TNIK: variants seen among roughly 807,000 people sequenced by gnomAD.
The protein encoded by TNIK is TRAF2 and NCK-interacting protein kinase.
A neutral mutation model predicts 191.3 loss-of-function variants in TNIK; 49 were observed. That is an observed-to-expected ratio of 0.26 (90% confidence interval 0.20 to 0.32). TNIK has a LOEUF of 0.32. Ranked by LOEUF, TNIK falls within the 10% of genes least tolerant of loss-of-function variation. The pLI is 1.00. For missense variants in TNIK, 1,155 were observed against 1,702.3 expected (o/e 0.68, Z 5.66); for synonymous variants, 594 against 600.9 (o/e 0.99, Z 0.17).
chr3:171,178,054 G>C (rs1299465173), intron 7 of TNIK, among the ~76,000 whole-genome samples: 1 of 152,158 alleles, frequency 6.6e-6, no homozygotes, highest in Non-Finnish European at 1.5e-5. Flanking sequence ...CCTTTTTATT[G>C]TTGTGTAGTA....
At chr3:171,231,167 G>A (rs1577191154) in intron 2 of TNIK, among the ~76,000 whole-genome samples, 1 of 152,270 alleles carries the variant, frequency 6.6e-6, no homozygotes. Flanking sequence ...CCAGAGATGA[G>A]GCGGGATAAA....
chr3:171,063,708 T>C lies in TNIK; in HGVS notation c.*173A>G. The C allele has an allele frequency of 1.8e-6, 1 of 552,368 alleles. No homozygotes were observed. Among genetic ancestry groups the C allele is most frequent in the Non-Finnish European group, 3.1e-6 (1 of 322,782 alleles). 34.2% of individuals were successfully genotyped at this position (552,368 alleles called of 1,614,324 possible). ...CTTTTTCTCTCCTTCTCAACCAGGC[T>C]GCAACATTGAAAGATGGACTGTACT... On this transcript the variant is annotated 3_prime_UTR_variant, in exon 33 of 33. Transcript: ENST00000436636.
chr3:171,420,157 T>C (rs923036099), intron 1 of TNIK, among the ~76,000 whole-genome samples: 11 of 152,174 alleles, frequency 7.2e-5, no homozygotes, highest in African/African-American at 2.7e-4. Flanking sequence ...GATGTTTCAT[T>C]AAGTGTTGGT....
Position 171,066,105 on chromosome 3 carries a change from T to C in TNIK, c.3999+82A>G, listed in dbSNP as rs1323688577. 19 of 1,544,378 alleles carry C rather than the reference T, an allele frequency of 1.2e-5. No individual in the cohort carries two copies. In the East Asian group the frequency reaches 2.9e-4, roughly 24 times the overall value. On this transcript the variant is annotated intron_variant, in intron 32 of 32. Coordinates refer to ENST00000436636, the MANE Select transcript of TNIK (RefSeq NM_015028.4). ...TTAACACAGATGTGATTCAAATCAG[T>C]ATAAAGGAAAATGAAGGTTTCACAG...
intron 2 of TNIK, among the ~76,000 whole-genome samples, chr3:171,336,800 T>C (rs1034450387): frequency 6.6e-6 from 1 of 152,198 alleles, no homozygotes; most frequent in African/African-American, 2.4e-5. Flanking sequence ...ATAAATATCA[T>C]GTTTAAGGTC....
At chr3:171,128,940 C>G (rs1293518044) in intron 15 of TNIK, 62 bp from the exon 16 acceptor site, 11 of 1,454,340 alleles carry the variant, frequency 7.6e-6, no homozygotes, top group Non-Finnish European at 9.9e-6. Context: ...AGATCACCTT[C>G]TAGCAAGGAT....
chr3:171,311,986 G>T (rs939902252), intron 2 of TNIK, among the ~76,000 whole-genome samples: 1 of 151,640 alleles, frequency 6.6e-6, no homozygotes. Flanking sequence ...TCGGGGGTTG[G>T]GGGCGGGTGC....
At chr3:171,065,626 A>G (rs975346661) in intron 32 of TNIK, among the ~76,000 whole-genome samples, 5 of 152,202 alleles carry the variant, frequency 3.3e-5, no homozygotes, top group East Asian at 1.9e-4. Context: ...GACACAGCCA[A>G]TTTCACTGGA....
chr3:171,172,295 C>T (rs1054292409), intron 9 of TNIK, among the ~76,000 whole-genome samples: 1 of 152,146 alleles, frequency 6.6e-6, no homozygotes, highest in Non-Finnish European at 1.5e-5. Flanking sequence ...TTGATATATA[C>T]ACTGAGAACA....
At chr3:171,438,936 A>C (rs1726390397) in intron 1 of TNIK, among the ~76,000 whole-genome samples, 1 of 152,186 alleles carries the variant, frequency 6.6e-6, no homozygotes, top group Non-Finnish European at 1.5e-5. Context: ...TCCCTCCAAA[A>C]TCAGAAGTAC....
chr3:171,144,010 G>C (rs1304852712), intron 12 of TNIK, among the ~76,000 whole-genome samples: 1 of 152,286 alleles, frequency 6.6e-6, no homozygotes, highest in East Asian at 1.9e-4. Flanking sequence ...AAAAGGGAAA[G>C]GGGAGAATCA....
At chr3:171,288,440 T>C (rs1326688461) in intron 2 of TNIK, among the ~76,000 whole-genome samples, 1 of 152,120 alleles carries the variant, frequency 6.6e-6, no homozygotes, top group Non-Finnish European at 1.5e-5. Flanking sequence ...ACATTGGTGT[T>C]GTACTATCCA....
chr3:171,186,904 C>G (rs1408054370), intron 7 of TNIK, among the ~76,000 whole-genome samples: 1 of 152,130 alleles, frequency 6.6e-6, no homozygotes, highest in Non-Finnish European at 1.5e-5. Flanking sequence ...GAAAGAGGAC[C>G]AAAATATCAG....
intron 2 of TNIK, among the ~76,000 whole-genome samples, chr3:171,273,152 A>G (rs1274370713): frequency 6.6e-6 from 1 of 152,186 alleles, no homozygotes; most frequent in African/African-American, 2.4e-5. Context: ...ACAACTGTCT[A>G]AATTCCAGGG....
At chr3:171,236,651 A>C (rs1363624813) in intron 2 of TNIK, among the ~76,000 whole-genome samples, 1 of 152,208 alleles carries the variant, frequency 6.6e-6, no homozygotes, top group Admixed American at 6.5e-5. Context: ...CTGTTCTTGG[A>C]GAAACAGGGT....
chr3:171,295,307 CTT>C (rs985018454), intron 2 of TNIK, among the ~76,000 whole-genome samples: 3 of 152,196 alleles, frequency 2.0e-5, no homozygotes, highest in Admixed American at 1.3e-4. Context: ...AGAAAATTCT[CTT>C]TGTTTTATAA....
At chr3:171,276,856 A>T (rs1039287759) in intron 2 of TNIK, among the ~76,000 whole-genome samples, 1 of 152,232 alleles carries the variant, frequency 6.6e-6, no homozygotes, top group African/African-American at 2.4e-5. Context: ...AAAACAAATT[A>T]TATCATGTGT....
intron 18 of TNIK, among the ~76,000 whole-genome samples, chr3:171,113,793 G>A (rs916086968): frequency 2.6e-5 from 4 of 151,620 alleles, no homozygotes; most frequent in Non-Finnish European, 2.9e-5. Context: ...GATAATGAAC[G>A]GGACACAGCC....
At chr3:171,376,762 A>AGATAGATAGATAGATAGATAGAT (rs1717304945) in intron 1 of TNIK, among the ~76,000 whole-genome samples, 1 of 152,056 alleles carries the variant, frequency 6.6e-6, no homozygotes, top group African/African-American at 2.4e-5. Context: ...ATAGATAGAT[A>AGATAGATAGATAGATAGATAGAT]GATAGATAGA....
Sources: allele counts gnomAD v4.1 joint callset (sites outside exome capture counted in the v4.1 genomes callset), GRCh38; gene constraint gnomAD v4.1.1; transcripts MANE v1.5; gene names NCBI Gene and HGNC (gene_info 2026-07-23, HGNC 2026-07-21).